The following MCHR2 variants were observed in gnomAD, a reference collection of about 807,000 sequenced individuals.
MCHR2 encodes the protein melanin concentrating hormone receptor 2.
MCHR2 carries 15 observed loss-of-function variants against 24.8 expected under a neutral mutation model. The ratio of observed to expected loss-of-function variants is 0.60; its 90% CI spans 0.40 to 0.93. The LOEUF (loss-of-function observed/expected upper bound fraction) is 0.93. MCHR2 is among the 40% of genes least tolerant of loss of function. The pLI is 0.00. For missense variants in MCHR2, 386 were observed against 408.7 expected (o/e 0.94, Z 0.48); for synonymous variants, 151 against 147.6 (o/e 1.02, Z -0.17).
chr6:99,944,006 A>C (rs1238182458), intron 3 of MCHR2, among the ~76,000 whole-genome samples: 1 of 152,158 alleles, frequency 6.6e-6, no homozygotes, highest in Non-Finnish European at 1.5e-5. Context: ...TGATGGCTTT[A>C]TACTTAAGTC....
chr6:99,943,282 T>TTA lies in MCHR2; in HGVS notation c.393-141_393-140dup, dbSNP rs1554194132. ...ACCTCTATCAGGGCAAAAGAAAGTT[T>TTA]TATATATATATATATTTTAATTTTT... On this transcript the variant is annotated intron_variant, in intron 3 of 5. Transcript: ENST00000281806. The TTA allele has an allele frequency of 1.3e-3, 361 of 276,068 alleles. 2 individuals are homozygous for TTA. Among genetic ancestry groups the TTA allele is most frequent in the African/African-American group, 6.3e-3 (279 of 44,618 alleles). 17.1% of individuals were successfully genotyped at this position (276,068 alleles called of 1,614,324 possible). A position where few individuals can be genotyped will look rare whatever the true frequency, so the allele number is the denominator to read the frequency against.
At chr6:99,968,172 T>C (rs1331412764) in intron 1 of MCHR2, among the ~76,000 whole-genome samples, 1 of 152,114 alleles carries the variant, frequency 6.6e-6, no homozygotes, top group African/African-American at 2.4e-5. Flanking sequence ...AACCCTGGGA[T>C]GGAGAGGAGG....
At chr6:99,930,475 C>G (rs1165962922) in intron 5 of MCHR2, among the ~76,000 whole-genome samples, 1 of 152,192 alleles carries the variant, frequency 6.6e-6, no homozygotes. Context: ...TTCAGGTACA[C>G]CAATCAGACG....
chr6:99,944,595 C>T (rs1774839707), intron 3 of MCHR2, among the ~76,000 whole-genome samples: 2 of 152,146 alleles, frequency 1.3e-5, no homozygotes, highest in African/African-American at 4.8e-5. Context: ...CCCATCCTCT[C>T]TGCACACTGC....
intron 1 of MCHR2, among the ~76,000 whole-genome samples, chr6:99,959,790 A>C (rs76099087): frequency 0.019 from 2,864 of 149,644 alleles, 31 homozygotes; most frequent in Middle Eastern, 0.042. Context: ...ACTCATTTGA[A>C]ATATAAACTA....
chr6:99,949,758 GAGAGGAGACATGAAGAAA>G (rs1774932969), intron 2 of MCHR2, among the ~76,000 whole-genome samples: 2 of 152,028 alleles, frequency 1.3e-5, no homozygotes, highest in South Asian at 4.1e-4. Flanking sequence ...GACCAAGAGG[GAGAGGAGACATGAAGAAA>G]AGATCATGTC....
intron 1 of MCHR2, among the ~76,000 whole-genome samples, chr6:99,978,101 G>A (rs935488376): frequency 1.2e-4 from 18 of 152,174 alleles, no homozygotes; most frequent in Non-Finnish European, 2.4e-4. Flanking sequence ...AAGTGCAGCC[G>A]ATGGGCCTCT....
In MCHR2 at chr6:99,920,868, A is replaced by T. The variant is rs557589736; in HGVS notation, c.*72T>A. ...GAAGAATGGGCATAAACATATCGGT[A>T]CACCTGCCCTTTCTGATAATACCAG... On this transcript the variant is annotated 3_prime_UTR_variant, in exon 6 of 6. Transcript: ENST00000281806. The T allele has an allele frequency of 2.8e-6, 4 of 1,440,766 alleles. No homozygotes were observed. Among genetic ancestry groups the T allele is most frequent in the Admixed American group, 1.8e-5 (1 of 55,088 alleles). 89.2% of individuals were successfully genotyped at this position (1,440,766 alleles called of 1,614,324 possible).
intron 2 of MCHR2, among the ~76,000 whole-genome samples, chr6:99,949,281 A>G (rs1774926247): frequency 6.6e-6 from 1 of 152,182 alleles, no homozygotes; most frequent in Non-Finnish European, 1.5e-5. Context: ...AAATGATCAC[A>G]TCACAATTTG....
chr6:99,972,830 A>T (rs1272526355), intron 1 of MCHR2, among the ~76,000 whole-genome samples: 2 of 152,130 alleles, frequency 1.3e-5, no homozygotes, highest in Non-Finnish European at 2.9e-5. Flanking sequence ...CCCAGTAGTC[A>T]TTCAGGAGCA....
intron 5 of MCHR2, among the ~76,000 whole-genome samples, chr6:99,925,223 T>A (rs1374812731): frequency 6.6e-6 from 1 of 152,092 alleles, no homozygotes; most frequent in Non-Finnish European, 1.5e-5. Context: ...TACTCCTGCT[T>A]TTTTTGGTTT....
At chr6:99,940,929 C>T (rs1302854315) in intron 4 of MCHR2, among the ~76,000 whole-genome samples, 1 of 152,052 alleles carries the variant, frequency 6.6e-6, no homozygotes, top group Non-Finnish European at 1.5e-5. Context: ...TATATAGCCA[C>T]TCTGATTTAG....
At chr6:99,953,823 C>T (rs1403952166) in intron 2 of MCHR2, among the ~76,000 whole-genome samples, 1 of 152,088 alleles carries the variant, frequency 6.6e-6, no homozygotes, top group Non-Finnish European at 1.5e-5. Context: ...AATAGCTTTA[C>T]AGGACACAAT....
At chr6:99,960,355 T>C (rs1775157606) in intron 1 of MCHR2, among the ~76,000 whole-genome samples, 1 of 152,182 alleles carries the variant, frequency 6.6e-6, no homozygotes, top group African/African-American at 2.4e-5. Context: ...TGGAAGAACA[T>C]TCCATGCTCA....
chr6:99,939,300 T>C (rs1284468352), intron 4 of MCHR2, among the ~76,000 whole-genome samples: 1 of 152,164 alleles, frequency 6.6e-6, no homozygotes, highest in Admixed American at 6.5e-5. Context: ...AGTGAATTTC[T>C]CTGGCGGAAT....
chr6:99,942,706 T>C (rs1774795370), intron 4 of MCHR2, among the ~76,000 whole-genome samples: 1 of 152,160 alleles, frequency 6.6e-6, no homozygotes, highest in South Asian at 2.1e-4. Context: ...TTAAAATCCA[T>C]GTTTAAATAT....
chr6:99,978,012 G>A (rs1775586717), intron 1 of MCHR2, among the ~76,000 whole-genome samples: 1 of 152,128 alleles, frequency 6.6e-6, no homozygotes, highest in Non-Finnish European at 1.5e-5. Context: ...GCAGGCACAG[G>A]GAAGAAACAC....
chr6:99,960,153 C>T (rs1775150181), intron 1 of MCHR2, among the ~76,000 whole-genome samples: 1 of 151,946 alleles, frequency 6.6e-6, no homozygotes, highest in South Asian at 2.1e-4. Context: ...TAGCAGAAAC[C>T]TTGCAAGCCA....
chr6:99,990,279 T>C (rs140598641), intron 1 of MCHR2, among the ~76,000 whole-genome samples: 69 of 152,330 alleles, frequency 4.5e-4, no homozygotes, highest in Non-Finnish European at 7.8e-4. Flanking sequence ...GCCAATATTT[T>C]ACATGCTTAA....
Sources: allele counts gnomAD v4.1 joint callset (sites outside exome capture counted in the v4.1 genomes callset), GRCh38; gene constraint gnomAD v4.1.1; transcripts MANE v1.5; gene names NCBI Gene and HGNC (gene_info 2026-07-23, HGNC 2026-07-21).